Variants in OTOF observed in about 807,000 individuals in gnomAD.
OTOF encodes fer-1-like family member 2.
OTOF carries 218 observed loss-of-function variants against 236.8 expected under a neutral mutation model. The ratio of observed to expected loss-of-function variants is 0.92; its 90% confidence interval spans 0.82 to 1.03. The LOEUF (loss-of-function observed/expected upper bound fraction) is 1.03. Ranked by LOEUF, OTOF falls within the 50% of genes least tolerant of loss-of-function variation. The pLI is 0.00. For missense variants in OTOF, 2,590 were observed against 2,694.4 expected (o/e 0.96, Z 0.86); for synonymous variants, 1,041 against 1,072.5 (o/e 0.97, Z 0.57).
At chr2:26,494,640 C>G (rs1465115909) in intron 9 of OTOF, among the ~76,000 whole-genome samples, 1 of 119,436 alleles carries the variant, frequency 8.4e-6, no homozygotes, top group Non-Finnish European at 1.6e-5. Flanking sequence ...GGAACCAGGC[C>G]TCTTGGGGAG....
In OTOF at chr2:26,460,137, G is replaced by T; in HGVS notation, c.5882C>A (p.Thr1961Lys). 2 of 1,600,968 alleles carry T rather than the reference G, an allele frequency of 1.2e-6. No homozygotes were observed. The highest frequency in any genetic ancestry group is 1.1e-5 in the South Asian group (1 of 88,678). Reference protein sequence around the residue: ...LKSARYFLWHTYRWLLLKLLL... With the variant: ...LKSARYFLWHKYRWLLLKLLL... ...CAGTTTGAGGAGCAGCCAGCGATACGTGTGCCACAAGAAGTAGCGAGCCGA... is the reference window on the plus strand; with the variant it reads ...CAGTTTGAGGAGCAGCCAGCGATACTTGTGCCACAAGAAGTAGCGAGCCGA... The change falls in exon 46 of 47, where the codon ACG becomes AAG. Residue 1961 changes from threonine (T) to lysine (K), a missense_variant. Thr to Lys is a moderately conservative substitution (Grantham distance 78, BLOSUM62 -1). Around this residue, in one of 2 missense-constraint regions of OTOF, gnomAD observed 1,211 missense variants for 1,352.8 expected, o/e 0.90. Transcript: ENST00000272371. This position sits in a 1 kb window ranked among gnomAD's most constrained non-coding sequence, Gnocchi z 5.3.
rs768098636 is a variant in OTOF, at chr2:26,461,823, C to T, written c.5406G>A (p.Ala1802=). 1.4e-5 allele frequency: 23 copies of T among 1,614,200 alleles called. No individual in the cohort carries two copies. The highest frequency in any genetic ancestry group is 3.3e-4 in the Middle Eastern group (2 of 6,062). ...TCTTGGAGATGACGATCTTCTCCTC[C>T]GCCGCCAGGTAGTCGAAGGGGAACA... is the stretch of plus-strand genomic sequence containing the variant. ...RYLFPFDYLA[A]EEKIVISKKE... Residue 1802 remains alanine (A), a synonymous_variant, in exon 43 of 47, where the codon GCG becomes GCA. Transcript: ENST00000272371. The surrounding 1 kb of genome is among the most constrained non-coding windows in gnomAD (Gnocchi z 6.2).
chr2:26,508,602 G>A (rs531579129), intron 5 of OTOF, among the ~76,000 whole-genome samples: 57 of 152,372 alleles, frequency 3.7e-4, no homozygotes, highest in African/African-American at 1.3e-3. Context: ...GCTCAAGCAA[G>A]CAGCATCATG....
chr2:26,460,576 G>T lies in OTOF; in HGVS notation c.5813+71C>A, dbSNP rs2148017437. 1 of 1,204,862 alleles carries T rather than the reference G, an allele frequency of 8.3e-7. No individual in the cohort carries two copies. The highest frequency in any genetic ancestry group is 1.8e-5 in the Admixed American group (1 of 55,222). The allele number at this position is 1,204,862 out of a possible 1,614,324, so 74.6% of individuals were successfully genotyped here. Reference sequence around the variant, plus strand: ...CCCAGGAAGAGATGGGGTGTCTGGGGATCGTCTCCTTCCTGTTCCAGCGCC... The same window carrying T: ...CCCAGGAAGAGATGGGGTGTCTGGGTATCGTCTCCTTCCTGTTCCAGCGCC... On this transcript the variant is annotated intron_variant, in intron 45 of 46. Coordinates refer to ENST00000272371, the MANE Select transcript of OTOF (RefSeq NM_194248.3). This position sits in a 1 kb window ranked among gnomAD's most constrained non-coding sequence, Gnocchi z 5.3.
chr2:26,488,299 A>C (rs1421246913), intron 11 of OTOF, among the ~76,000 whole-genome samples: 1 of 152,188 alleles, frequency 6.6e-6, no homozygotes, highest in Non-Finnish European at 1.5e-5. Context: ...CAATGTGACA[A>C]TTGGGTGAAA....
At chr2:26,520,647 C>A (rs1395149062) in intron 3 of OTOF, among the ~76,000 whole-genome samples, 1 of 152,228 alleles carries the variant, frequency 6.6e-6, no homozygotes, top group Non-Finnish European at 1.5e-5. Context: ...CCTCTCCCAG[C>A]TCAGGCAGTG....
intron 1 of OTOF, among the ~76,000 whole-genome samples, chr2:26,542,618 G>A (rs774628425): frequency 6.6e-6 from 1 of 152,252 alleles, no homozygotes; most frequent in Non-Finnish European, 1.5e-5. Context: ...AGGAGAAGGA[G>A]GGAAATCCAG....
chr2:26,514,107 C>A (rs915313345), intron 5 of OTOF, among the ~76,000 whole-genome samples: 1 of 152,268 alleles, frequency 6.6e-6, no homozygotes, highest in African/African-American at 2.4e-5. Context: ...TTTCCACAAC[C>A]AGGCCTGCTG....
At chr2:26,553,247 T>C (rs916124609) in intron 1 of OTOF, among the ~76,000 whole-genome samples, 16 of 152,110 alleles carry the variant, frequency 1.1e-4, no homozygotes, top group Non-Finnish European at 1.5e-5. Flanking sequence ...TCCAGCTACA[T>C]GGTGTGGCTT....
chr2:26,551,012 C>T lies in OTOF; in HGVS notation c.79+7481G>A, dbSNP rs557115456. Among the ~76,000 whole-genome samples, 5 of 152,210 alleles carry T rather than the reference C, an allele frequency of 3.3e-5. No individual in the cohort carries two copies. The East Asian group carries it at 5.8e-4, about 18-fold the overall frequency. Reference sequence around the variant, plus strand: ...CATGGCTTTTTTCCCCCCCTTGAGACAGAGTCTCGCTCTGTCGCCCAGGCT... The same window carrying T: ...CATGGCTTTTTTCCCCCCCTTGAGATAGAGTCTCGCTCTGTCGCCCAGGCT... On this transcript the variant is annotated intron_variant, in intron 1 of 46. Transcript: ENST00000272371.
chr2:26,463,430 G>A lies in OTOF; in HGVS notation c.5192+53C>T, dbSNP rs964266609. The A allele has an allele frequency of 1.1e-5, 16 of 1,424,432 alleles. No individual in the cohort carries two copies. The African/African-American group carries it at 1.7e-4, about 15-fold the overall frequency. The allele number at this position is 1,424,432 out of a possible 1,614,324, so 88.2% of individuals were successfully genotyped here. A position where few individuals can be genotyped will look rare whatever the true frequency, so the allele number is the denominator to read the frequency against. On this transcript the variant is annotated intron_variant, in intron 41 of 46. Coordinates refer to ENST00000272371, the MANE Select transcript of OTOF (RefSeq NM_194248.3). ...CGCAGGAAGGGTTGGGCCGTGGTGG[G>A]AAGTGGGTGGGGTGGGCCGGAAGGG... is the stretch of plus-strand genomic sequence containing the variant.
At chr2:26,481,145 G>A (rs1240622009) in intron 14 of OTOF, 136 bp from the exon 15 acceptor site, 1 of 672,674 alleles carries the variant, frequency 1.5e-6, no homozygotes, top group Admixed American at 2.2e-5. Context: ...ATTCAGGTGT[G>A]GGGCAGCCTT....
chr2:26,537,834 T>C (rs1572488862), intron 1 of OTOF, 60 bp from the exon 2 acceptor site: 3 of 1,198,316 alleles, frequency 2.5e-6, no homozygotes, highest in Non-Finnish European at 3.6e-6. Flanking sequence ...GAGCATGGGG[T>C]CAGACCTCCT....
intron 26 of OTOF, 32 bp downstream of exon 26, chr2:26,474,481 C>A: frequency 6.4e-7 from 1 of 1,563,832 alleles, no homozygotes; most frequent in Non-Finnish European, 8.7e-7. Context: ...CTCCAGTCCC[C>A]AGGCCTCAGC....
intron 9 of OTOF, 117 bp downstream of exon 9, chr2:26,494,825 C>T: frequency 1.7e-6 from 2 of 1,207,836 alleles, no homozygotes; most frequent in Non-Finnish European, 2.4e-6. Context: ...GTGGATCACC[C>T]CTGCTGGTAG....
chr2:26,483,328 C>T, intron 13 of OTOF, 134 bp downstream of exon 13: 1 of 836,526 alleles, frequency 1.2e-6, no homozygotes, highest in Non-Finnish European at 2.0e-6. Flanking sequence ...TGAGGATCCT[C>T]TAAGTCCGTC....
chr2:26,534,160 T>A (rs1296981150), intron 2 of OTOF, among the ~76,000 whole-genome samples: 1 of 152,210 alleles, frequency 6.6e-6, no homozygotes, highest in East Asian at 1.9e-4. Context: ...CAGCAAGTTC[T>A]AGTGAGTCTA....
intron 5 of OTOF, among the ~76,000 whole-genome samples, chr2:26,507,253 G>T (rs942201958): frequency 7.9e-5 from 12 of 152,300 alleles, no homozygotes; most frequent in African/African-American, 2.6e-4. Context: ...TCCTAGACTT[G>T]CTCTTCAATG....
At position 26,464,118 on chromosome 2, in the gene OTOF, G is replaced by A. The variant is rs200764184; in HGVS notation, c.4961-12C>T. ...GGGCTTCCTCTGACCTGTGGGTGCC[G>A]GCGGCTCAGCTGCACACATGGCTCA... On this transcript the variant is annotated splice_polypyrimidine_tract_variant and intron_variant, in intron 39 of 46. Coordinates refer to ENST00000272371, the MANE Select transcript of OTOF (RefSeq NM_194248.3). 1.6e-4 allele frequency: 260 copies of A among 1,613,014 alleles called. No homozygotes were observed. The African/African-American group carries it at 2.0e-3, about 13-fold the overall frequency.
Sources: gnomAD v4.1 joint callset for allele counts (sites outside exome capture counted in the v4.1 genomes callset) on GRCh38, gnomAD v4.1.1 for gene constraint, gnomAD v4.1.1 regional missense constraint, Gnocchi (gnomAD v3.1) non-coding constraint, MANE v1.5 for transcripts, NCBI Gene and HGNC (gene_info 2026-07-23, HGNC 2026-07-21) for gene names.